Variants in MICAL2 observed in about 807,000 individuals in gnomAD.
MICAL2 encodes the protein microtubule associated monooxygenase, calponin and LIM domain containing 2, also known as [F-actin]-monooxygenase MICAL2.
MICAL2 carries 77 observed loss-of-function variants against 127.3 expected under a neutral mutation model. That is an observed-to-expected ratio of 0.60 (90% CI 0.50 to 0.73). MICAL2 has a LOEUF of 0.73. Among genes scored for constraint, MICAL2 ranks in the 30% least tolerant of loss-of-function variants. The probability of loss-of-function intolerance (pLI) is 0.00; values close to 1 mark genes in which losing one functional copy is unlikely to be tolerated. For synonymous variants in MICAL2, 570 were observed against 551.1 expected, an observed-to-expected ratio of 1.03 and a Z score of -0.48; for missense variants, 1,351 against 1,434.4, an observed-to-expected ratio of 0.94 and a Z score of 0.94.
intron 3 of MICAL2, among the ~76,000 whole-genome samples, chr11:12,180,349 A>ATATATATATATATATTTT (rs11403732): frequency 7.2e-6 from 1 of 139,682 alleles, no homozygotes; most frequent in Non-Finnish European, 1.6e-5. Context: ...ATATGTATAT[A>ATATATATATATATATTTT]TTTTTTTTTT....
chr11:12,121,270 G>A (rs760110188), intron 1 of MICAL2, among the ~76,000 whole-genome samples: 8 of 152,166 alleles, frequency 5.3e-5, no homozygotes, highest in Non-Finnish European at 1.2e-4. Flanking sequence ...CAATTTGAGG[G>A]GAATAAATAG....
At chr11:12,229,778 T>C (rs1381071727) in intron 15 of MICAL2, among the ~76,000 whole-genome samples, 2 of 152,236 alleles carry the variant, frequency 1.3e-5, no homozygotes, top group Non-Finnish European at 1.5e-5. Flanking sequence ...AAAATGCTTG[T>C]GGTAGAGGGC....
chr11:12,234,984 T>C lies in MICAL2; in HGVS notation c.1996-1193T>C, dbSNP rs538446897. On this transcript the variant is annotated intron_variant, in intron 15 of 27. Transcript: ENST00000683283. ...GCTAGGATTTAATATGGGCCTGCGA[T>C]GGAAGCCCCCTCTGAGAGGGTAGAT... Among the ~76,000 whole-genome samples the C allele has an allele frequency of 7.2e-5, 11 of 152,298 alleles. No individual in the cohort carries two copies. In the East Asian group the frequency reaches 1.5e-3, roughly 21 times the overall value.
At chr11:12,340,810 C>G (rs1189481532) in intron 32 of MICAL2, among the ~76,000 whole-genome samples, 1 of 152,006 alleles carries the variant, frequency 6.6e-6, no homozygotes, top group Non-Finnish European at 1.5e-5. Context: ...CACTAAAGCC[C>G]AAAGTCAAGA....
chr11:12,358,383 C>T (rs562569238), exon 35 of MICAL2: 14 of 1,614,126 alleles, frequency 8.7e-6, no homozygotes, highest in South Asian at 2.2e-5. Flanking sequence ...ACAAACTCGT[C>T]GATTCCTTAG....
At chr11:12,255,514 T>G (rs1193976005) in intron 22 of MICAL2, 129 bp from the exon 23 acceptor site, 1 of 743,856 alleles carries the variant, frequency 1.3e-6, no homozygotes, top group Non-Finnish European at 2.3e-6. Context: ...TTGCTTCTCC[T>G]GGGTCGTGGG....
chr11:12,334,426 C>T (rs372490230), intron 32 of MICAL2, among the ~76,000 whole-genome samples: 9 of 151,734 alleles, frequency 5.9e-5, no homozygotes, highest in African/African-American at 1.9e-4. Flanking sequence ...TTTTTTTATC[C>T]AGAATATTTT....
Position 12,259,781 on chromosome 11 carries a change from C to A in MICAL2, c.3232-14C>A. On this transcript the variant is annotated splice_polypyrimidine_tract_variant and intron_variant, in intron 25 of 27. Transcript: ENST00000683283. ...ACTTACAGACAAATGCCCTCATTTC[C>A]ATCTCTTTCTCAGGAGGAGGCAACA... 6.5e-7 allele frequency: 1 copy of A among 1,526,874 alleles called. No individual in the cohort carries two copies. The allele number at this position is 1,526,874 out of a possible 1,614,324, so 94.6% of individuals were successfully genotyped here.
At chr11:12,235,717 C>A (rs1858956262) in intron 15 of MICAL2, among the ~76,000 whole-genome samples, 1 of 152,166 alleles carries the variant, frequency 6.6e-6, no homozygotes, top group Non-Finnish European at 1.5e-5. Context: ...AGGAGAGAGG[C>A]TCCCTGGGTG....
At chr11:12,318,372 C>G (rs1163107648) in intron 29 of MICAL2, among the ~76,000 whole-genome samples, 1 of 152,212 alleles carries the variant, frequency 6.6e-6, no homozygotes, top group Non-Finnish European at 1.5e-5. Flanking sequence ...TTATACTGCT[C>G]TCTGATTCTA....
chr11:12,118,204 G>T (rs1417605522), intron 1 of MICAL2, among the ~76,000 whole-genome samples: 1 of 152,172 alleles, frequency 6.6e-6, no homozygotes, highest in Non-Finnish European at 1.5e-5. Flanking sequence ...ACATATGTGT[G>T]TGGTACTCAT....
downstream of MICAL2, among the ~76,000 whole-genome samples, chr11:12,359,823 C>T (rs1043111384): frequency 2.0e-4 from 30 of 152,210 alleles, no homozygotes; most frequent in Admixed American, 7.8e-4. Context: ...TGTATTTGGC[C>T]GCTCTCATTT....
chr11:12,260,566 G>A, intron 26 of MICAL2: 1 of 998,270 alleles, frequency 1.0e-6, no homozygotes. Context: ...TGCCTGCAAA[G>A]TGGATGATTT....
chr11:12,320,251 A>G (rs1864277990), intron 30 of MICAL2, among the ~76,000 whole-genome samples: 1 of 152,250 alleles, frequency 6.6e-6, no homozygotes, highest in African/African-American at 2.4e-5. Context: ...ATGCAGTTGC[A>G]TCTAGACATG....
intron 29 of MICAL2, among the ~76,000 whole-genome samples, chr11:12,307,478 T>G (rs1449894102): frequency 1.3e-5 from 2 of 152,202 alleles, no homozygotes; most frequent in Non-Finnish European, 2.9e-5. Context: ...GAGTTATAGT[T>G]AAGATATCTT....
intron 3 of MICAL2, among the ~76,000 whole-genome samples, chr11:12,180,254 A>G (rs1857277466): frequency 6.6e-6 from 1 of 151,706 alleles, no homozygotes. Flanking sequence ...GAGGGAGGGG[A>G]GAATGAGGGT....
chr11:12,113,647 G>A (rs964968072), intron 1 of MICAL2, among the ~76,000 whole-genome samples: 6 of 152,092 alleles, frequency 3.9e-5, no homozygotes, highest in Non-Finnish European at 5.9e-5. Context: ...CATTTACATC[G>A]CTTTTATTAT....
intron 1 of MICAL2, among the ~76,000 whole-genome samples, chr11:12,124,496 C>T (rs2630311): frequency 0.05 from 7,637 of 152,248 alleles, 320 homozygotes; most frequent in East Asian, 0.21. Context: ...CTCAGCTCCT[C>T]GAGGGCTCCA....
intron 3 of MICAL2, among the ~76,000 whole-genome samples, chr11:12,168,012 A>G (rs1415764531): frequency 6.6e-6 from 1 of 152,140 alleles, no homozygotes; most frequent in Non-Finnish European, 1.5e-5. Context: ...CTTTTTATGA[A>G]AAAACTAGGC....
Sources: gnomAD v4.1 joint callset for allele counts (sites outside exome capture counted in the v4.1 genomes callset) on GRCh38, gnomAD v4.1.1 for gene constraint, MANE v1.5 for transcripts, NCBI Gene and HGNC (gene_info 2026-07-23, HGNC 2026-07-21) for gene names.